The following TAFA4 variants were observed in gnomAD, a reference collection of about 807,000 sequenced individuals.
The protein encoded by TAFA4 is chemokine-like protein TAFA-4.
TAFA4 carries 20 observed loss-of-function variants against 21.1 expected under a neutral mutation model. The observed-to-expected ratio is 0.95, with a 90% confidence interval of 0.67 to 1.38. TAFA4 has a LOEUF of 1.38. Ranked by LOEUF, TAFA4 falls within the 40% of genes most tolerant of loss-of-function variation. The pLI, the probability that TAFA4 is intolerant of heterozygous loss-of-function variation, is 0.00. For synonymous variants in TAFA4, 71 were observed against 67.4 expected, an observed-to-expected ratio of 1.05 and a Z score of -0.26; for missense variants, 211 against 180.9, an observed-to-expected ratio of 1.17 and a Z score of -0.95.
chr3:68,804,533 C>T (rs912260284), intron 3 of TAFA4, among the ~76,000 whole-genome samples: 8 of 152,126 alleles, frequency 5.3e-5, no homozygotes, highest in South Asian at 2.1e-4. Flanking sequence ...GGCAGCATCA[C>T]GCTACCTGAC....
intron 3 of TAFA4, among the ~76,000 whole-genome samples, chr3:68,799,701 C>T (rs1028533293): frequency 6.6e-6 from 1 of 152,034 alleles, no homozygotes; most frequent in Non-Finnish European, 1.5e-5. Flanking sequence ...GATGAGAGGC[C>T]ACGTGCTAAG....
At chr3:68,809,889 T>C (rs1372649711) in intron 3 of TAFA4, among the ~76,000 whole-genome samples, 3 of 152,210 alleles carry the variant, frequency 2.0e-5, no homozygotes, top group Admixed American at 6.5e-5. Flanking sequence ...TGTGGATTTA[T>C]TTCTGGGCAC....
At chr3:68,813,127 C>T (rs937781528) in intron 3 of TAFA4, among the ~76,000 whole-genome samples, 58 of 151,948 alleles carry the variant, frequency 3.8e-4, no homozygotes, top group Middle Eastern at 6.8e-3. Context: ...TTGAAACCGA[C>T]GAGAACAAAG....
intron 3 of TAFA4, among the ~76,000 whole-genome samples, chr3:68,758,327 G>A (rs564795529): frequency 6.6e-5 from 10 of 152,292 alleles, no homozygotes; most frequent in East Asian, 3.9e-4. Flanking sequence ...ATCTTGAATC[G>A]AAGCTCCCAC....
intron 3 of TAFA4, among the ~76,000 whole-genome samples, chr3:68,822,395 T>C (rs1273465969): frequency 1.3e-5 from 2 of 152,214 alleles, no homozygotes; most frequent in Non-Finnish European, 2.9e-5. Flanking sequence ...TCTTATTCAC[T>C]CCTGGACAAG....
At chr3:68,757,469 C>T (rs981417759) in intron 3 of TAFA4, among the ~76,000 whole-genome samples, 1 of 152,128 alleles carries the variant, frequency 6.6e-6, no homozygotes, top group African/African-American at 2.4e-5. Flanking sequence ...GGTTAGATTA[C>T]TAAATGACCC....
rs1255250874 is a variant in TAFA4, at chr3:68,780,753, A to G, written c.131-27735T>C. Reference sequence around the variant, plus strand: ...AACAGACTAATACAGAGACCTTAAAACTTGACTCTCAGTAATTGATAAAAC... The same window carrying G: ...AACAGACTAATACAGAGACCTTAAAGCTTGACTCTCAGTAATTGATAAAAC... On this transcript the variant is annotated intron_variant, in intron 3 of 5. Transcript: ENST00000295569. 2.0e-5 allele frequency among the ~76,000 whole-genome samples: 3 copies of G among 152,158 alleles called. No homozygotes were observed. The East Asian group carries it at 5.8e-4, about 29-fold the overall frequency.
intron 3 of TAFA4, among the ~76,000 whole-genome samples, chr3:68,810,616 G>A (rs1703813690): frequency 6.6e-6 from 1 of 152,172 alleles, no homozygotes; most frequent in Non-Finnish European, 1.5e-5. Context: ...GTGGCAGTGA[G>A]GCTGGGGGAG....
chr3:68,782,799 G>A (rs780417649), intron 3 of TAFA4, among the ~76,000 whole-genome samples: 8 of 152,196 alleles, frequency 5.3e-5, no homozygotes, highest in Non-Finnish European at 7.3e-5. Flanking sequence ...TTGGGGTCAT[G>A]AAGACAGTCT....
chr3:68,889,851 T>C (rs1559554842), intron 1 of TAFA4, among the ~76,000 whole-genome samples: 1 of 152,194 alleles, frequency 6.6e-6, no homozygotes, highest in Non-Finnish European at 1.5e-5. Flanking sequence ...AATGCAACTG[T>C]GATCTTACAT....
At chr3:68,773,912 C>CGTG (rs1703004019) in intron 3 of TAFA4, among the ~76,000 whole-genome samples, 1 of 152,156 alleles carries the variant, frequency 6.6e-6, no homozygotes, top group Non-Finnish European at 1.5e-5. Flanking sequence ...CTTACTCAAG[C>CGTG]AGTAACCAAC....
At chr3:68,742,117 A>G (rs1220461530) in intron 4 of TAFA4, among the ~76,000 whole-genome samples, 4 of 152,218 alleles carry the variant, frequency 2.6e-5, no homozygotes, top group African/African-American at 9.6e-5. Flanking sequence ...TAAAAATCAT[A>G]TGGTCATCTC....
intron 3 of TAFA4, among the ~76,000 whole-genome samples, chr3:68,786,372 G>A (rs1274966294): frequency 1.3e-5 from 2 of 152,164 alleles, no homozygotes; most frequent in Admixed American, 6.5e-5. Flanking sequence ...AGGCTGAGAT[G>A]GGAGGATCAG....
At chr3:68,835,007 C>T (rs1331776344) in intron 3 of TAFA4, among the ~76,000 whole-genome samples, 1 of 152,174 alleles carries the variant, frequency 6.6e-6, no homozygotes, top group Non-Finnish European at 1.5e-5. Flanking sequence ...AAAATCTTCA[C>T]AATGGCCTAC....
At chr3:68,760,636 C>T (rs976575243) in intron 3 of TAFA4, among the ~76,000 whole-genome samples, 1 of 152,176 alleles carries the variant, frequency 6.6e-6, no homozygotes, top group African/African-American at 2.4e-5. Context: ...GCCTATCTCT[C>T]CACGGGAGCA....
chr3:68,922,448 T>A (rs1389957060), intron 1 of TAFA4, among the ~76,000 whole-genome samples: 1 of 152,160 alleles, frequency 6.6e-6, no homozygotes, highest in African/African-American at 2.4e-5. Context: ...TCCAACAAAG[T>A]TCAGAATTTG....
At position 68,880,710 on chromosome 3, in the gene TAFA4, A is replaced by G; in HGVS notation, c.130+20T>C. On this transcript the variant is annotated intron_variant, in intron 3 of 5. Transcript: ENST00000295569. ...GGGTTTTATTATCTCAGCAGTGCAT[A>G]ATGAGCTTAAAGGGCTTACCTGCAT... is the stretch of plus-strand genomic sequence containing the variant. 6.2e-7 allele frequency: 1 copy of G among 1,605,184 alleles called. No individual in the cohort carries two copies. Among genetic ancestry groups the G allele is most frequent in the South Asian group, 1.1e-5 (1 of 90,896 alleles).
chr3:68,833,878 G>A (rs1704458862), intron 3 of TAFA4, among the ~76,000 whole-genome samples: 1 of 152,186 alleles, frequency 6.6e-6, no homozygotes, highest in Admixed American at 6.5e-5. Flanking sequence ...GAAGATCTTA[G>A]GAAATTGCTC....
intron 3 of TAFA4, among the ~76,000 whole-genome samples, chr3:68,770,154 G>A (rs1291461482): frequency 6.6e-6 from 1 of 152,102 alleles, no homozygotes; most frequent in Non-Finnish European, 1.5e-5. Context: ...CCAGATTTTG[G>A]GTTGTGGGTT....
Sources: gnomAD v4.1 joint callset for allele counts (sites outside exome capture counted in the v4.1 genomes callset) on GRCh38, gnomAD v4.1.1 for gene constraint, MANE v1.5 for transcripts, NCBI Gene and HGNC (gene_info 2026-07-23, HGNC 2026-07-21) for gene names.